Variants in TCF4 observed in about 807,000 individuals in gnomAD.
The protein encoded by TCF4 is transcription factor 4, also known as SL3-3 enhancer factor 2.
A neutral mutation model predicts 82.1 loss-of-function variants in TCF4; 3 were observed. The ratio of observed to expected loss-of-function variants is 0.04; its 90% CI spans 0.02 to 0.09. TCF4 has a LOEUF of 0.09. Ranked by LOEUF, TCF4 falls within the 10% of genes least tolerant of loss-of-function variation. The probability of loss-of-function intolerance (pLI) is 1.00; values close to 1 mark genes in which losing one functional copy is unlikely to be tolerated. For synonymous variants in TCF4, 276 were observed against 309.6 expected, an observed-to-expected ratio of 0.89 and a Z score of 1.14; for missense variants, 518 against 852.7, an observed-to-expected ratio of 0.61 and a Z score of 4.89.
chr18:55,621,871 C>T (rs1353830024), intron 2 of TCF4, among the ~76,000 whole-genome samples: 2 of 102,324 alleles, frequency 2.0e-5, no homozygotes, highest in South Asian at 2.8e-4. Flanking sequence ...TATATATACA[C>T]TATATATAAT....
At chr18:55,439,470 A>C (rs1360858294) in intron 5 of TCF4, among the ~76,000 whole-genome samples, 3 of 152,292 alleles carry the variant, frequency 2.0e-5, no homozygotes, top group Non-Finnish European at 4.4e-5. Flanking sequence ...TGAGTGAGGA[A>C]GAAGTGACTT....
chr18:55,387,070 T>A (rs2092670487), intron 6 of TCF4, among the ~76,000 whole-genome samples: 1 of 152,206 alleles, frequency 6.6e-6, no homozygotes, highest in South Asian at 2.1e-4. Flanking sequence ...TATAGAGTAT[T>A]AGGACTGTGG....
intron 4 of TCF4, among the ~76,000 whole-genome samples, chr18:55,463,572 C>T (rs1032485345): frequency 2.0e-5 from 3 of 152,102 alleles, no homozygotes; most frequent in Admixed American, 1.3e-4. Context: ...GGAATGATAA[C>T]ATGTCTACAT....
intron 6 of TCF4, among the ~76,000 whole-genome samples, chr18:55,375,351 C>T (rs899320970): frequency 1.3e-5 from 2 of 152,100 alleles, no homozygotes; most frequent in African/African-American, 2.4e-5. Flanking sequence ...ACATATATCT[C>T]TTTAGTTTGA....
chr18:55,283,600 C>T (rs189819086), intron 8 of TCF4, among the ~76,000 whole-genome samples: 59 of 152,268 alleles, frequency 3.9e-4, no homozygotes, highest in Admixed American at 1.3e-3. Context: ...ACAAGGCTGA[C>T]GTATCATAAG....
At chr18:55,493,084 A>G (rs531199517) in intron 3 of TCF4, among the ~76,000 whole-genome samples, 2 of 152,324 alleles carry the variant, frequency 1.3e-5, no homozygotes, top group East Asian at 3.9e-4. Flanking sequence ...ACTCGGGTAG[A>G]GGACCTCCAT....
chr18:55,301,991 G>T (rs554478388), intron 8 of TCF4, among the ~76,000 whole-genome samples: 7 of 152,244 alleles, frequency 4.6e-5, no homozygotes, highest in African/African-American at 1.7e-4. Flanking sequence ...ACATCACAAT[G>T]GTAAGAAACA....
chr18:55,621,684 ATT>A (rs1491356137), intron 2 of TCF4, among the ~76,000 whole-genome samples: 337 of 4,534 alleles, frequency 0.074, 11 homozygotes, highest in Middle Eastern at 0.5. Flanking sequence ...TACATTATAT[ATT>A]ATATTATATA....
chr18:55,451,808 C>T (rs976976272), intron 5 of TCF4, among the ~76,000 whole-genome samples: 2 of 152,094 alleles, frequency 1.3e-5, no homozygotes, highest in African/African-American at 2.4e-5. Context: ...AAGTATAGGG[C>T]TTATGCAAAA....
intron 3 of TCF4, among the ~76,000 whole-genome samples, chr18:55,474,502 T>C (rs2096250034): frequency 6.6e-6 from 1 of 152,182 alleles, no homozygotes; most frequent in Non-Finnish European, 1.5e-5. Flanking sequence ...GTGTTTCTAT[T>C]ACTTATTTAT....
intron 4 of TCF4, among the ~76,000 whole-genome samples, chr18:55,462,407 C>T (rs1003194236): frequency 1.3e-5 from 2 of 151,780 alleles, no homozygotes; most frequent in African/African-American, 4.8e-5. Flanking sequence ...AGACACTATC[C>T]CCATGTTAAG....
chr18:55,394,806 T>C (rs1042317678), intron 6 of TCF4, among the ~76,000 whole-genome samples: 2 of 152,228 alleles, frequency 1.3e-5, no homozygotes, highest in Admixed American at 6.5e-5. Context: ...TCAGTTGATC[T>C]GTGAGTGAAA....
intron 4 of TCF4, 88 bp downstream of exon 4, chr18:55,463,988 G>C: frequency 8.3e-7 from 1 of 1,203,650 alleles, no homozygotes. Flanking sequence ...GAGAGAGAGA[G>C]AGAGAGAGAG....
upstream of TCF4, chr18:55,589,312 A>T (rs977348780): frequency 5.7e-6 from 6 of 1,051,956 alleles, no homozygotes; most frequent in Non-Finnish European, 6.9e-6. Flanking sequence ...ATGGCCACAA[A>T]TATTCTCACA....
chr18:55,624,838 C>G (rs996337080), intron 2 of TCF4, among the ~76,000 whole-genome samples: 2 of 152,144 alleles, frequency 1.3e-5, no homozygotes, highest in East Asian at 3.9e-4. Flanking sequence ...AGGTATTAAT[C>G]GTACCATTTT....
chr18:55,620,151 A>G (rs1160649698), intron 2 of TCF4, among the ~76,000 whole-genome samples: 1 of 152,160 alleles, frequency 6.6e-6, no homozygotes, highest in Non-Finnish European at 1.5e-5. Flanking sequence ...ACCTTCCACC[A>G]TGATTGTAGG....
At chr18:55,398,111 T>G (rs17089778) in intron 6 of TCF4, among the ~76,000 whole-genome samples, 6,250 of 152,244 alleles carry the variant, frequency 0.041, 196 homozygotes, top group South Asian at 0.17. Flanking sequence ...CCTGAGTATC[T>G]AACACACCAC....
intron 8 of TCF4, among the ~76,000 whole-genome samples, chr18:55,291,727 G>A (rs1237336647): frequency 6.6e-6 from 1 of 152,138 alleles, no homozygotes; most frequent in African/African-American, 2.4e-5. Flanking sequence ...CCTGCCCGGG[G>A]CAAACTTTTA....
intron 6 of TCF4, among the ~76,000 whole-genome samples, chr18:55,400,088 A>G (rs2093733532): frequency 6.6e-6 from 1 of 152,134 alleles, no homozygotes; most frequent in Admixed American, 6.6e-5. Context: ...TTTTAGCAAA[A>G]TTTAAAAGTT....
Sources: allele counts gnomAD v4.1 joint callset (sites outside exome capture counted in the v4.1 genomes callset), GRCh38; gene constraint gnomAD v4.1.1; transcripts MANE v1.5; gene names NCBI Gene and HGNC (gene_info 2026-07-23, HGNC 2026-07-21).